Variants in FLT1 observed in about 807,000 individuals in gnomAD.
The protein encoded by FLT1 is fms related receptor tyrosine kinase 1.
FLT1 carries 49 observed loss-of-function variants against 156.3 expected under a neutral mutation model. That is an observed-to-expected ratio of 0.31 (90% CI 0.25 to 0.40). The LOEUF is 0.40. Ranked by LOEUF, FLT1 falls within the 10% of genes least tolerant of loss-of-function variation. FLT1 has a pLI of 1.00. For synonymous variants in FLT1, 594 were observed against 583.8 expected, an observed-to-expected ratio of 1.02 and a Z score of -0.25; for missense variants, 1,322 against 1,637.2, an observed-to-expected ratio of 0.81 and a Z score of 3.32.
intron 25 of FLT1, among the ~76,000 whole-genome samples, chr13:28,316,761 C>T (rs909446231): frequency 2.6e-5 from 4 of 151,562 alleles, no homozygotes; most frequent in African/African-American, 9.7e-5. Flanking sequence ...GCCTCAGCCT[C>T]CCAAGTAGCT....
chr13:28,485,061 C>T (rs1197573304), intron 1 of FLT1, among the ~76,000 whole-genome samples: 1 of 151,568 alleles, frequency 6.6e-6, no homozygotes, highest in Non-Finnish European at 1.5e-5. Context: ...TGCACATGTA[C>T]CCTAAAACTT....
chr13:28,454,145 C>T (rs921080182), intron 3 of FLT1, among the ~76,000 whole-genome samples: 1 of 152,086 alleles, frequency 6.6e-6, no homozygotes, highest in Non-Finnish European at 1.5e-5. Context: ...TTTGACCTAC[C>T]AAACTGCAGG....
intron 1 of FLT1, among the ~76,000 whole-genome samples, chr13:28,473,806 GAAAGAAAGAA>G (rs1456722611): frequency 7.6e-6 from 1 of 131,354 alleles, no homozygotes; most frequent in Non-Finnish European, 1.6e-5. Context: ...AAGAAAGAAA[GAAAGAAAGAA>G]AGAAAGAAAG....
In FLT1 at chr13:28,494,933, G is replaced by T; in HGVS notation, c.-90C>A. 1 of 1,024,014 alleles carries T rather than the reference G, an allele frequency of 9.8e-7. No homozygotes were observed. Among genetic ancestry groups the T allele is most frequent in the Non-Finnish European group, 1.4e-6 (1 of 738,794 alleles). The allele number at this position is 1,024,014 out of a possible 1,614,324, so 63.4% of individuals were successfully genotyped here. ...AGAGTCCGTCCTCTCGTTCGCCGCC[G>T]CCGGCCCCGCGCCCTGAGCGCCCGT... On this transcript the variant is annotated 5_prime_UTR_variant, in exon 1 of 30. Coordinates refer to ENST00000282397, the MANE Select transcript of FLT1 (RefSeq NM_002019.4).
rs189604100 is a variant in FLT1, at chr13:28,309,662, C to T, written c.3636-735G>A. Reference sequence around the variant, plus strand: ...ACATATAACTTTGCCATGCCACCCACCCCCCCTCCCTCTCTCTAACCCAGC... The same window carrying T: ...ACATATAACTTTGCCATGCCACCCATCCCCCCTCCCTCTCTCTAACCCAGC... On this transcript the variant is annotated intron_variant, in intron 27 of 29. Transcript: ENST00000282397. Among the ~76,000 whole-genome samples, 43 of 147,618 alleles carry T rather than the reference C, an allele frequency of 2.9e-4. 1 individual carries two copies. Among genetic ancestry groups the T allele is most frequent in the Admixed American group, 2.4e-3 (35 of 14,706 alleles).
At chr13:28,473,145 C>T (rs60470932) in intron 1 of FLT1, among the ~76,000 whole-genome samples, 22,784 of 152,010 alleles carry the variant, frequency 0.15, 2,505 homozygotes, top group African/African-American at 0.29. Flanking sequence ...CCTCTTACAT[C>T]GCAGGTAGGA....
chr13:28,302,845 C>T lies in FLT1; in HGVS notation c.*322G>A. ...GTGATGCATTGGGTGATCAGTGCAG[C>T]TCCTCAATCAAACTGGTCCTGCGTG... is the stretch of plus-strand genomic sequence containing the variant. On this transcript the variant is annotated 3_prime_UTR_variant, in exon 30 of 30. Transcript: ENST00000282397. 2.3e-6 allele frequency: 1 copy of T among 438,144 alleles called. No individual in the cohort carries two copies. Among genetic ancestry groups the T allele is most frequent in the Non-Finnish European group, 4.2e-6 (1 of 236,908 alleles). The allele number at this position is 438,144 out of a possible 1,614,324, so 27.1% of individuals were successfully genotyped here. A position where few individuals can be genotyped will look rare whatever the true frequency, so the allele number is the denominator to read the frequency against.
intron 29 of FLT1, among the ~76,000 whole-genome samples, chr13:28,304,856 T>C (rs1039066446): frequency 6.6e-6 from 1 of 152,252 alleles, no homozygotes; most frequent in Non-Finnish European, 1.5e-5. Flanking sequence ...TATTGTAGCA[T>C]GCATGCATAC....
intron 16 of FLT1, among the ~76,000 whole-genome samples, chr13:28,343,854 C>T (rs1020524249): frequency 6.6e-6 from 1 of 151,378 alleles, no homozygotes; most frequent in African/African-American, 2.4e-5. Flanking sequence ...CTGTTAGCCA[C>T]GATGGTCTCG....
At chr13:28,314,572 C>T (rs7319287) in intron 25 of FLT1, among the ~76,000 whole-genome samples, 148,965 of 152,226 alleles carry the variant, frequency 0.98, 72,972 homozygotes, top group East Asian at 1. Context: ...ATGAGGGGCC[C>T]CCAGAAAGTT....
chr13:28,391,802 G>C (rs564752646), intron 12 of FLT1, among the ~76,000 whole-genome samples: 15 of 152,272 alleles, frequency 9.9e-5, no homozygotes, highest in African/African-American at 3.6e-4. Flanking sequence ...AGTTCACTTT[G>C]GGGCTGAGAA....
intron 12 of FLT1, among the ~76,000 whole-genome samples, chr13:28,395,664 G>T (rs920866318): frequency 1.3e-5 from 2 of 152,128 alleles, no homozygotes; most frequent in Non-Finnish European, 2.9e-5. Context: ...ATTGGACAGT[G>T]GTGGCTTTAG....
chr13:28,397,749 C>CGTGT (rs35710786), intron 11 of FLT1, among the ~76,000 whole-genome samples: 6,768 of 129,772 alleles, frequency 0.052, 214 homozygotes, highest in Admixed American at 0.063. Flanking sequence ...TGAAGGAGAC[C>CGTGT]GTGTGTGTGT....
rs1874458845 is a variant in FLT1 at position 28,387,821 on chromosome 13, A to AAG, written c.1969+1974_1969+1975insCT. 1.4e-5 allele frequency: 15 copies of AAG among 1,056,876 alleles called. No homozygotes were observed. In the South Asian group the frequency reaches 5.5e-4, roughly 39 times the overall value. 65.5% of individuals were successfully genotyped at this position (1,056,876 alleles called of 1,614,324 possible). A position where few individuals can be genotyped will look rare whatever the true frequency, so the allele number is the denominator to read the frequency against. On this transcript the variant is annotated intron_variant, in intron 13 of 29. Coordinates refer to ENST00000282397, the MANE Select transcript of FLT1 (RefSeq NM_002019.4). ...CAAAAGTTTCTTTAAAAAAAAAAAAAAAGACTCTCCGGAAGGATTAATTAC... is the reference window on the plus strand; with the variant it reads ...CAAAAGTTTCTTTAAAAAAAAAAAAAAGAAGACTCTCCGGAAGGATTAATTAC...
rs879392668 is a variant in FLT1 at position 28,473,834 on chromosome 13, GA to G, written c.65-6218del. ...AGAAAGAAAGAAAGAAAGAAAGAAA[GA>G]AAGGAAGAAAGAAAGAAAGAAAGAA... On this transcript the variant is annotated intron_variant, in intron 1 of 29. Coordinates refer to ENST00000282397, the MANE Select transcript of FLT1 (RefSeq NM_002019.4). Among the ~76,000 whole-genome samples the G allele has an allele frequency of 5.3e-4, 65 of 121,900 alleles. 1 individual carries two copies. The highest frequency in any genetic ancestry group is 7.2e-4 in the South Asian group (3 of 4,144). The allele number at this position is 121,900 out of a possible 152,430, so 80.0% of individuals were successfully genotyped here. A position where few individuals can be genotyped will look rare whatever the true frequency, so the allele number is the denominator to read the frequency against.
chr13:28,343,633 CTTTTTTTCTTTCTTTTT>C (rs1203856728), intron 16 of FLT1, among the ~76,000 whole-genome samples: 2 of 150,880 alleles, frequency 1.3e-5, no homozygotes, highest in Non-Finnish European at 3.0e-5. Flanking sequence ...CTCTTCTTTT[CTTTTTTTCTTTCTTTTT>C]TTTTTTTTCT....
rs567849232 is a variant in FLT1 at position 28,357,588 on chromosome 13, G to A, written c.2214C>T (p.Gly738=). The A allele has an allele frequency of 3.7e-6, 6 of 1,614,094 alleles. No homozygotes were observed. In the Admixed American group the frequency reaches 5.0e-5, roughly 13 times the overall value. The change falls in exon 15 of 30, where the codon GGC becomes GGT. Residue 738 remains glycine, a synonymous_variant. Coordinates refer to ENST00000282397, the MANE Select transcript of FLT1 (RefSeq NM_002019.4). The part of the protein sequence containing the change: ...VYHCKATNQK[G]SVESSAYLTV... The stretch of plus-strand genomic sequence containing the variant: ...TGAGGTATGCTGAACTTTCCACAGA[G>A]CCCTTCTGGTTGGTGGCTTTGCAGT...
At chr13:28,477,815 A>G (rs1037246467) in intron 1 of FLT1, among the ~76,000 whole-genome samples, 5 of 152,174 alleles carry the variant, frequency 3.3e-5, no homozygotes, top group African/African-American at 1.2e-4. Flanking sequence ...AGAATGGATC[A>G]TAATTGCCAG....
At chr13:28,350,705 G>A (rs1872711998) in intron 15 of FLT1, among the ~76,000 whole-genome samples, 1 of 152,050 alleles carries the variant, frequency 6.6e-6, no homozygotes, top group South Asian at 2.1e-4. Flanking sequence ...CTTGTCCCAG[G>A]GCCTGCCTTG....
Sources: allele counts gnomAD v4.1 joint callset (sites outside exome capture counted in the v4.1 genomes callset), GRCh38; gene constraint gnomAD v4.1.1; transcripts MANE v1.5; gene names NCBI Gene and HGNC (gene_info 2026-07-23, HGNC 2026-07-21).